Variants in AGBL4 observed in about 807,000 individuals in gnomAD.
AGBL4 encodes the protein AGBL carboxypeptidase 4.
In AGBL4, 58 loss-of-function variants were observed where a neutral mutation model predicts 66.4. The ratio of observed to expected loss-of-function variants is 0.87; its 90% confidence interval spans 0.71 to 1.09. AGBL4 has a LOEUF of 1.09. Among genes scored for constraint, AGBL4 ranks in the 50% least tolerant of loss-of-function variants. The pLI is 0.00. For missense variants in AGBL4, 579 were observed against 631.0 expected (o/e 0.92, Z 0.88); for synonymous variants, 234 against 222.9 (o/e 1.05, Z -0.44).
At chr1:48,769,356 A>C (rs1644689505) in intron 6 of AGBL4, among the ~76,000 whole-genome samples, 1 of 151,996 alleles carries the variant, frequency 6.6e-6, no homozygotes, top group South Asian at 2.1e-4. Context: ...CACAGAAAAA[A>C]CTGGGAAGTT....
chr1:48,651,701 C>G (rs934096527), intron 8 of AGBL4, among the ~76,000 whole-genome samples: 1 of 152,138 alleles, frequency 6.6e-6, no homozygotes. Flanking sequence ...TAACTCACAC[C>G]CAAGGGTACC....
intron 9 of AGBL4, among the ~76,000 whole-genome samples, chr1:48,604,609 GT>G (rs72469035): frequency 7.9e-5 from 12 of 151,388 alleles, no homozygotes; most frequent in African/African-American, 2.2e-4. Flanking sequence ...AGAATCAAAG[GT>G]TTTTTTTTAA....
At chr1:48,815,153 C>T (rs1217211091) in intron 6 of AGBL4, among the ~76,000 whole-genome samples, 1 of 152,158 alleles carries the variant, frequency 6.6e-6, no homozygotes, top group African/African-American at 2.4e-5. Context: ...TGATTAATGA[C>T]ATTCAGCATT....
intron 3 of AGBL4, among the ~76,000 whole-genome samples, chr1:49,556,420 T>C (rs955834223): frequency 9.2e-5 from 14 of 151,888 alleles, no homozygotes; most frequent in Non-Finnish European, 2.9e-5. Context: ...GAGATATACC[T>C]AATGTAAATG....
At chr1:49,770,066 G>A (rs1040851523) in intron 2 of AGBL4, among the ~76,000 whole-genome samples, 10 of 152,078 alleles carry the variant, frequency 6.6e-5, no homozygotes, top group African/African-American at 2.2e-4. Context: ...TCGGCTGGGC[G>A]CGGTGACTCA....
chr1:48,942,320 G>C (rs369505267), intron 5 of AGBL4, among the ~76,000 whole-genome samples: 41 of 151,834 alleles, frequency 2.7e-4, no homozygotes, highest in Non-Finnish European at 3.8e-4. Flanking sequence ...TGGGGGGGGG[G>C]GGTTGTGGTA....
chr1:48,857,003 A>C (rs10749681), intron 6 of AGBL4, among the ~76,000 whole-genome samples: 135,345 of 152,160 alleles, frequency 0.89, 60,791 homozygotes, highest in Non-Finnish European at 0.96. Context: ...GATTTAGAAT[A>C]CGATTTAGAT....
rs1018938994 is a variant in AGBL4, at chr1:49,220,845, G to T, written c.377+24925C>A. Among the ~76,000 whole-genome samples the T allele has an allele frequency of 5.3e-5, 8 of 152,246 alleles. No homozygotes were observed. In the South Asian group the frequency reaches 1.7e-3, roughly 32 times the overall value. On this transcript the variant is annotated intron_variant, in intron 4 of 13. Coordinates refer to ENST00000371839, the MANE Select transcript of AGBL4 (RefSeq NM_032785.4). ...AATAAAAACATTACCTATGCCATAGGTTTGCTGTGCTATGAAGATTAATGC... is the reference window on the plus strand; with the variant it reads ...AATAAAAACATTACCTATGCCATAGTTTTGCTGTGCTATGAAGATTAATGC...
chr1:49,534,196 G>C (rs887439194), intron 3 of AGBL4, among the ~76,000 whole-genome samples: 1 of 46,956 alleles, frequency 2.1e-5, no homozygotes, highest in Non-Finnish European at 5.2e-5. Context: ...AAAAAAAAAA[G>C]CACAAAAATT....
intron 1 of AGBL4, among the ~76,000 whole-genome samples, chr1:49,972,850 T>G (rs1658250114): frequency 1.3e-5 from 2 of 152,136 alleles, no homozygotes; most frequent in African/African-American, 4.8e-5. Flanking sequence ...TTAGAACATA[T>G]CCCCCACAGA....
chr1:49,215,476 AG>A (rs1185679159), intron 4 of AGBL4, among the ~76,000 whole-genome samples: 1 of 152,028 alleles, frequency 6.6e-6, no homozygotes, highest in Admixed American at 6.6e-5. Flanking sequence ...AATATGCTGG[AG>A]GTTATGTAAA....
chr1:49,023,593 C>G (rs1663410840), intron 5 of AGBL4, among the ~76,000 whole-genome samples: 2 of 152,096 alleles, frequency 1.3e-5, no homozygotes, highest in African/African-American at 4.8e-5. Flanking sequence ...AATATGACAG[C>G]ACTCTACTAT....
At chr1:49,167,910 A>G (rs1166449413) in intron 4 of AGBL4, among the ~76,000 whole-genome samples, 1 of 152,162 alleles carries the variant, frequency 6.6e-6, no homozygotes, top group Non-Finnish European at 1.5e-5. Context: ...TAAAAATACT[A>G]TTTTAAAAAT....
At chr1:49,170,083 T>G (rs1362932062) in intron 4 of AGBL4, among the ~76,000 whole-genome samples, 1 of 151,606 alleles carries the variant, frequency 6.6e-6, no homozygotes, top group Admixed American at 6.6e-5. Context: ...GCTTCACCAC[T>G]GTACAATTCA....
At chr1:49,152,267 T>C (rs1278357023) in intron 4 of AGBL4, among the ~76,000 whole-genome samples, 1 of 152,104 alleles carries the variant, frequency 6.6e-6, no homozygotes, top group Non-Finnish European at 1.5e-5. Flanking sequence ...GTGGAATAGG[T>C]GACTGAATGG....
At chr1:49,975,582 G>T (rs1658488714) in intron 1 of AGBL4, among the ~76,000 whole-genome samples, 1 of 152,110 alleles carries the variant, frequency 6.6e-6, no homozygotes, top group Non-Finnish European at 1.5e-5. Flanking sequence ...GACTCTTGAG[G>T]TTTGCACGCT....
intron 1 of AGBL4, among the ~76,000 whole-genome samples, chr1:49,858,585 T>C (rs930771329): frequency 1.3e-5 from 2 of 152,106 alleles, no homozygotes; most frequent in Non-Finnish European, 2.9e-5. Context: ...CGAGAGGCTA[T>C]ATTAAAATAA....
At chr1:48,857,049 A>C (rs1373052471) in intron 6 of AGBL4, among the ~76,000 whole-genome samples, 1 of 152,208 alleles carries the variant, frequency 6.6e-6, no homozygotes, top group Non-Finnish European at 1.5e-5. Flanking sequence ...AATTGTGTTC[A>C]CGTGGACAGT....
At chr1:49,033,377 C>A (rs1039866149) in intron 5 of AGBL4, among the ~76,000 whole-genome samples, 2 of 152,050 alleles carry the variant, frequency 1.3e-5, no homozygotes, top group African/African-American at 4.8e-5. Flanking sequence ...TAAAATTCAT[C>A]CAAAAAGATG....
Sources: allele counts gnomAD v4.1 joint callset (sites outside exome capture counted in the v4.1 genomes callset), GRCh38; gene constraint gnomAD v4.1.1; transcripts MANE v1.5; gene names NCBI Gene and HGNC (gene_info 2026-07-23, HGNC 2026-07-21).